The following ZC3H13 variants were observed in gnomAD, a reference collection of about 807,000 sequenced individuals.
ZC3H13 encodes zinc finger CCCH domain-containing protein 13.
In ZC3H13, 64 loss-of-function variants were observed where a neutral mutation model predicts 204.1. That is an observed-to-expected ratio of 0.31 (90% confidence interval 0.26 to 0.39). The LOEUF is 0.39. Among genes scored for constraint, ZC3H13 ranks in the 10% least tolerant of loss-of-function variants. The pLI, the probability that ZC3H13 is intolerant of heterozygous loss-of-function variation, is 1.00. For synonymous variants in ZC3H13, 667 were observed against 693.7 expected (o/e 0.96, Z 0.60); for missense variants, 1,833 against 2,082.7 (o/e 0.88, Z 2.33).
intron 11 of ZC3H13, among the ~76,000 whole-genome samples, chr13:45,978,718 A>G (rs907696899): frequency 2.6e-5 from 4 of 152,080 alleles, no homozygotes; most frequent in Non-Finnish European, 5.9e-5. Flanking sequence ...CTGAGCAAGG[A>G]TATGAAAATA....
chr13:46,034,516 G>A (rs2043094447), intron 4 of ZC3H13, among the ~76,000 whole-genome samples: 1 of 152,104 alleles, frequency 6.6e-6, no homozygotes. Context: ...TATGCTGAAA[G>A]AATCAAGACA....
intron 4 of ZC3H13, among the ~76,000 whole-genome samples, chr13:46,039,935 T>G (rs1396697054): frequency 6.6e-6 from 1 of 152,128 alleles, no homozygotes; most frequent in East Asian, 1.9e-4. Context: ...ATGGCTTTCT[T>G]TTTTTCAGAG....
At chr13:46,040,784 A>T (rs888984797) in intron 4 of ZC3H13, among the ~76,000 whole-genome samples, 1 of 152,190 alleles carries the variant, frequency 6.6e-6, no homozygotes, top group African/African-American at 2.4e-5. Flanking sequence ...TTAAAATGGG[A>T]AAAGAATCTC....
intron 12 of ZC3H13, among the ~76,000 whole-genome samples, chr13:45,974,515 G>A (rs912442353): frequency 6.6e-6 from 1 of 152,192 alleles, no homozygotes; most frequent in Non-Finnish European, 1.5e-5. Context: ...CTGGTTAAAA[G>A]GGGGTGAGGT....
rs75412065 is a variant in ZC3H13 at position 46,044,172 on chromosome 13, T to TA, written c.227+782dup. Among the ~76,000 whole-genome samples, 232 of 126,906 alleles carry TA rather than the reference T, an allele frequency of 1.8e-3. 1 individual carries two copies. Among genetic ancestry groups the TA allele is most frequent in the Admixed American group, 5.5e-3 (70 of 12,624 alleles). The allele number at this position is 126,906 out of a possible 152,430, so 83.3% of individuals were successfully genotyped here. On this transcript the variant is annotated intron_variant, in intron 3 of 18. Transcript: ENST00000679008. ...ACTACCCCCAAAAAAATCATTCAACTAAAAAAAAAAAAAAAAAATTCCAAT... is the reference window on the plus strand; with the variant it reads ...ACTACCCCCAAAAAAATCATTCAACTAAAAAAAAAAAAAAAAAAATTCCAAT...
At chr13:46,034,525 C>T (rs970594493) in intron 4 of ZC3H13, among the ~76,000 whole-genome samples, 2 of 152,036 alleles carry the variant, frequency 1.3e-5, no homozygotes, top group Non-Finnish European at 2.9e-5. Flanking sequence ...AGAATCAAGA[C>T]ACGATAATAT....
chr13:45,963,581 C>T (rs1951846708), intron 17 of ZC3H13: 3 of 1,226,750 alleles, frequency 2.4e-6, no homozygotes, highest in Non-Finnish European at 3.1e-6. Context: ...CAACACCACG[C>T]CTGGCCTGTT....
intron 8 of ZC3H13, among the ~76,000 whole-genome samples, chr13:46,000,405 T>C (rs1396896459): frequency 6.6e-6 from 1 of 152,224 alleles, no homozygotes; most frequent in Non-Finnish European, 1.5e-5. Flanking sequence ...TCTTGCACTT[T>C]TGTGCTGCTT....
chr13:46,010,734 T>C (rs1187102828), intron 6 of ZC3H13, among the ~76,000 whole-genome samples: 1 of 146,564 alleles, frequency 6.8e-6, no homozygotes, highest in Non-Finnish European at 1.5e-5. Flanking sequence ...CTATCTCTTA[T>C]ACAAAAAAAA....
chr13:45,975,705 T>C lies in ZC3H13; in HGVS notation c.2046A>G (p.Glu682=). 1 of 1,613,704 alleles carries C rather than the reference T, an allele frequency of 6.2e-7. No homozygotes were observed. Among genetic ancestry groups the C allele is most frequent in the Non-Finnish European group, 8.5e-7 (1 of 1,179,822 alleles). ...TCTCCCGCTCCCTGTCTCGTTCTCG[T>C]TCCCGATCTCTCTCTCTAGCCCTTT... ...RDERARERDR[E]RERDRERERE... Residue 682 remains glutamate (E), a synonymous_variant, in exon 12 of 19, where the codon GAA becomes GAG. Coordinates refer to ENST00000679008, the MANE Select transcript of ZC3H13 (RefSeq NM_001330564.2).
intron 5 of ZC3H13, among the ~76,000 whole-genome samples, chr13:46,012,384 CAAA>C: frequency 1.3e-5 from 2 of 152,250 alleles, no homozygotes; most frequent in East Asian, 3.9e-4. Context: ...TGACTGACCA[CAAA>C]CTGAGGTGCC....
rs368089241 is a variant in ZC3H13, at chr13:45,987,117, C to T, written c.1256-1356G>A. Among the ~76,000 whole-genome samples, 38 of 152,236 alleles carry T rather than the reference C, an allele frequency of 2.5e-4. 1 individual carries two copies. The South Asian group carries it at 6.0e-3, about 24-fold the overall frequency. ...ATGCGCCCATCTGTCTTTACAAATA[C>T]GTCTAGGTACTGTATTTTCTTCTTT... On this transcript the variant is annotated intron_variant, in intron 9 of 18. Transcript: ENST00000679008.
In ZC3H13 at chr13:46,042,160, C is replaced by T; in HGVS notation, c.339+4G>A. 15 of 1,610,300 alleles carry T rather than the reference C, an allele frequency of 9.3e-6. No homozygotes were observed. The highest frequency in any genetic ancestry group is 1.3e-5 in the Non-Finnish European group (15 of 1,177,374). ...GAACTTTGTTTTGGGAAATTCAATC[C>T]TACCCTAACAGGTGAGGATGACTCC... On this transcript the variant is annotated splice_donor_region_variant and intron_variant, in intron 4 of 18. Transcript: ENST00000679008.
Position 45,969,609 on chromosome 13 carries a change from T to A in ZC3H13, c.2935A>T (p.Arg979Trp). Residue 979 changes from arginine (R) to tryptophan (W), a missense_variant, in exon 14 of 19, where the codon AGG becomes TGG. By Grantham distance (101) the Arg-to-Trp change is moderately radical. This residue lies in a region of ZC3H13 where 1,574 missense variants were observed against 1,757.2 expected (regional missense o/e 0.90). Transcript: ENST00000679008. ...KKKEDDVGIE[R>W]GNIETTSEDG... is the part of the protein sequence containing the mutation. ...TCAGATGTTGTCTCTATGTTACCCC[T>A]CTCTATTCCAACATCATCCTCTTTC... is the stretch of plus-strand genomic sequence containing the variant. 2 of 1,611,224 alleles carry A rather than the reference T, an allele frequency of 1.2e-6. No homozygotes were observed. The highest frequency in any genetic ancestry group is 1.7e-6 in the Non-Finnish European group (2 of 1,179,448).
chr13:46,011,905 A>T (rs2041588854), intron 5 of ZC3H13, among the ~76,000 whole-genome samples: 1 of 152,200 alleles, frequency 6.6e-6, no homozygotes, highest in Admixed American at 6.5e-5. Context: ...TCAATATTTC[A>T]TGCTGTATAC....
chr13:45,986,024 T>C (rs190341463), intron 9 of ZC3H13, among the ~76,000 whole-genome samples: 1 of 152,304 alleles, frequency 6.6e-6, no homozygotes, highest in Non-Finnish European at 1.5e-5. Flanking sequence ...CCTAAACAAC[T>C]GAAACAAATA....
At chr13:46,027,374 G>A (rs909179603) in intron 4 of ZC3H13, among the ~76,000 whole-genome samples, 8 of 152,174 alleles carry the variant, frequency 5.3e-5, no homozygotes, top group Admixed American at 5.2e-4. Context: ...CCAAAGTGCG[G>A]GATTACAGGC....
At chr13:46,013,848 T>C (rs1211532414) in intron 5 of ZC3H13, among the ~76,000 whole-genome samples, 4 of 152,102 alleles carry the variant, frequency 2.6e-5, no homozygotes, top group Non-Finnish European at 5.9e-5. Context: ...GAAAAATATA[T>C]GCAACACATA....
intron 1 of ZC3H13, among the ~76,000 whole-genome samples, chr13:46,051,609 C>T (rs1344490180): frequency 2.0e-5 from 3 of 152,126 alleles, no homozygotes; most frequent in African/African-American, 7.2e-5. Flanking sequence ...AACGGTATCG[C>T]GGACTTCGAA....
Sources: allele counts gnomAD v4.1 joint callset (sites outside exome capture counted in the v4.1 genomes callset), GRCh38; gene constraint gnomAD v4.1.1; regional missense constraint gnomAD v4.1.1; transcripts MANE v1.5; gene names NCBI Gene and HGNC (gene_info 2026-07-23, HGNC 2026-07-21).